Variants in TSHZ2 observed in about 807,000 individuals in gnomAD.
The protein encoded by TSHZ2 is teashirt homolog 2.
TSHZ2 carries 21 observed loss-of-function variants against 74.4 expected under a neutral mutation model. The ratio of observed to expected loss-of-function variants is 0.28; its 90% CI spans 0.20 to 0.41. The LOEUF is 0.41. TSHZ2 is among the 10% of genes least tolerant of loss of function. TSHZ2 has a pLI of 1.00. For missense variants in TSHZ2, 1,244 were observed against 1,293.5 expected (o/e 0.96, Z 0.59); for synonymous variants, 540 against 515.3 (o/e 1.05, Z -0.65).
intron 1 of TSHZ2, among the ~76,000 whole-genome samples, chr20:53,221,437 T>A (rs1467030358): frequency 6.6e-6 from 1 of 152,212 alleles, no homozygotes; most frequent in Non-Finnish European, 1.5e-5. Flanking sequence ...ATTTTTGTTA[T>A]CTTCTGGGTC....
chr20:53,171,243 C>T (rs1047037738), intron 1 of TSHZ2, among the ~76,000 whole-genome samples: 1 of 152,172 alleles, frequency 6.6e-6, no homozygotes, highest in Non-Finnish European at 1.5e-5. Context: ...TAAATGTTCC[C>T]GTATGTGAAT....
At chr20:53,069,100 G>A (rs1429711772) in intron 1 of TSHZ2, among the ~76,000 whole-genome samples, 2 of 152,150 alleles carry the variant, frequency 1.3e-5, no homozygotes, top group Non-Finnish European at 2.9e-5. Flanking sequence ...AACGAGAAGA[G>A]CCCATAATCC....
intron 1 of TSHZ2, among the ~76,000 whole-genome samples, chr20:52,974,024 T>G (rs1981234982): frequency 6.6e-6 from 1 of 152,250 alleles, no homozygotes; most frequent in Admixed American, 6.5e-5. Flanking sequence ...AGTTGCAAAC[T>G]TTGTGAAATG....
At chr20:53,389,864 T>A (rs1381238552) in intron 2 of TSHZ2, among the ~76,000 whole-genome samples, 1 of 152,216 alleles carries the variant, frequency 6.6e-6, no homozygotes, top group Non-Finnish European at 1.5e-5. Context: ...CAACAAAGAA[T>A]TGTCCGGCCT....
chr20:53,167,663 C>A (rs2123477471), intron 1 of TSHZ2, among the ~76,000 whole-genome samples: 1 of 152,190 alleles, frequency 6.6e-6, no homozygotes, highest in South Asian at 2.1e-4. Context: ...CAGTTTAATT[C>A]ATAATGTCTT....
intron 2 of TSHZ2, among the ~76,000 whole-genome samples, chr20:53,486,656 G>A (rs74989448): frequency 0.014 from 2,108 of 152,254 alleles, 46 homozygotes; most frequent in African/African-American, 0.046. Context: ...CAAGTATAGC[G>A]ACAAAGCGAG....
chr20:53,288,237 G>A (rs1991205770), intron 2 of TSHZ2, among the ~76,000 whole-genome samples: 1 of 151,816 alleles, frequency 6.6e-6, no homozygotes. Flanking sequence ...AACCCTGTCT[G>A]GACTAAAAAT....
intron 1 of TSHZ2, among the ~76,000 whole-genome samples, chr20:53,157,556 A>G (rs1600716434): frequency 6.6e-6 from 1 of 152,086 alleles, no homozygotes; most frequent in African/African-American, 2.4e-5. Flanking sequence ...ACAGGTGCGC[A>G]CTACCATGCC....
At chr20:53,384,553 C>G (rs770921917) in intron 2 of TSHZ2, among the ~76,000 whole-genome samples, 93 of 152,102 alleles carry the variant, frequency 6.1e-4, no homozygotes, top group Non-Finnish European at 5.9e-5. Context: ...ACGTCTAGTC[C>G]CTGCCTGACC....
intron 2 of TSHZ2, among the ~76,000 whole-genome samples, chr20:53,466,260 TAAAAAAAAAAAAAGAAAGAGAAAAAG>T (rs1264919846): frequency 2.0e-4 from 11 of 54,882 alleles, no homozygotes; most frequent in African/African-American, 7.2e-4. Context: ...AAAATAAAAA[TAAAAAAAAAAAAAGAAAGAGAAAAAG>T]GAAAAAAAAA....
At chr20:53,299,803 G>A (rs1275665526) in intron 2 of TSHZ2, among the ~76,000 whole-genome samples, 1 of 152,116 alleles carries the variant, frequency 6.6e-6, no homozygotes. Flanking sequence ...AATTCATTTT[G>A]CAACTTAATT....
intron 1 of TSHZ2, among the ~76,000 whole-genome samples, chr20:53,100,831 C>G (rs1360315218): frequency 6.6e-6 from 1 of 152,248 alleles, no homozygotes; most frequent in East Asian, 1.9e-4. Flanking sequence ...GAAAGTGCTA[C>G]TGGCCAAGAG....
intron 1 of TSHZ2, among the ~76,000 whole-genome samples, chr20:53,083,867 A>C (rs74902800): frequency 6.6e-6 from 1 of 152,036 alleles, no homozygotes; most frequent in African/African-American, 2.4e-5. Flanking sequence ...TTCCCTTTCT[A>C]TGTGAATTTT....
In TSHZ2 at chr20:53,256,681, G is replaced by C; in HGVS notation, c.*8+110G>C. 7.0e-7 allele frequency: 1 copy of C among 1,432,676 alleles called. No homozygotes were observed. The allele number at this position is 1,432,676 out of a possible 1,614,324, so 88.7% of individuals were successfully genotyped here. A position where few individuals can be genotyped will look rare whatever the true frequency, so the allele number is the denominator to read the frequency against. On this transcript the variant is annotated intron_variant, in intron 2 of 2. Transcript: ENST00000371497. The surrounding 1 kb of genome is among the most constrained non-coding windows in gnomAD (Gnocchi z 4.3). The stretch of plus-strand genomic sequence containing the variant: ...TCTCCCAATGCCAAGCAGGATAGTA[G>C]CTTGCTGGAGTAGGATTTATTTTAA...
At chr20:53,096,781 C>G (rs1037146787) in intron 1 of TSHZ2, among the ~76,000 whole-genome samples, 3 of 151,730 alleles carry the variant, frequency 2.0e-5, no homozygotes, top group African/African-American at 7.3e-5. Flanking sequence ...GCTCAGGAGG[C>G]TGAGGCAGGA....
intron 1 of TSHZ2, among the ~76,000 whole-genome samples, chr20:53,230,719 C>T (rs1053560820): frequency 2.0e-5 from 3 of 151,976 alleles, no homozygotes; most frequent in Non-Finnish European, 2.9e-5. Context: ...AGTGAACCCT[C>T]GTCTTTACTA....
At chr20:53,463,568 C>T (rs71356183) in intron 2 of TSHZ2, among the ~76,000 whole-genome samples, 7 of 152,126 alleles carry the variant, frequency 4.6e-5, no homozygotes, top group Non-Finnish European at 8.8e-5. Context: ...GAAGGATTAA[C>T]TGATTAAATG....
chr20:53,232,955 C>G (rs1042655538), intron 1 of TSHZ2, among the ~76,000 whole-genome samples: 7 of 152,006 alleles, frequency 4.6e-5, no homozygotes, highest in African/African-American at 1.5e-4. Context: ...CCTGCTATCA[C>G]TTAGAATTTC....
At chr20:53,258,001 G>T (rs1990518141) in intron 2 of TSHZ2, among the ~76,000 whole-genome samples, 1 of 152,172 alleles carries the variant, frequency 6.6e-6, no homozygotes, top group Non-Finnish European at 1.5e-5. Flanking sequence ...GGGGTTTACT[G>T]GGTGTGAAGA....
Sources: allele counts gnomAD v4.1 joint callset (sites outside exome capture counted in the v4.1 genomes callset), GRCh38; gene constraint gnomAD v4.1.1; non-coding constraint Gnocchi (gnomAD v3.1); transcripts MANE v1.5; gene names NCBI Gene and HGNC (gene_info 2026-07-23, HGNC 2026-07-21).